GCKR: variants seen among roughly 807,000 people sequenced by gnomAD.
GCKR encodes glucokinase regulatory protein.
GCKR carries 73 observed loss-of-function variants against 82.9 expected under a neutral mutation model. That is an observed-to-expected ratio of 0.88 (90% CI 0.73 to 1.07). The LOEUF is 1.07. Among genes scored for constraint, GCKR ranks in the 50% least tolerant of loss-of-function variants. GCKR has a pLI of 0.00. For missense variants in GCKR, 784 were observed against 782.1 expected (o/e 1.00, Z -0.03); for synonymous variants, 294 against 291.8 (o/e 1.01, Z -0.08).
chr2:27,511,014 T>C (rs1669868891), intron 16 of GCKR, among the ~76,000 whole-genome samples: 4 of 152,078 alleles, frequency 2.6e-5, no homozygotes, highest in African/African-American at 9.7e-5. Flanking sequence ...TTTTGGTTGA[T>C]GTTGGTTTTA....
intron 8 of GCKR, among the ~76,000 whole-genome samples, chr2:27,502,452 C>T (rs1193099162): frequency 6.6e-6 from 1 of 152,104 alleles, no homozygotes; most frequent in African/African-American, 2.4e-5. Context: ...GGGCTCCACT[C>T]CAGAACTACT....
In GCKR at chr2:27,507,667, T is replaced by C; in HGVS notation, c.1144-14T>C. The stretch of plus-strand genomic sequence containing the variant: ...TTTTCATGGGAGGGACCCTCCCATC[T>C]TCTTCTGCCCCAGGGTCCCCAGTTC... On this transcript the variant is annotated splice_polypyrimidine_tract_variant and intron_variant, in intron 13 of 18. Transcript: ENST00000264717. The C allele has an allele frequency of 6.8e-7, 1 of 1,467,406 alleles. No homozygotes were observed. The highest frequency in any genetic ancestry group is 9.5e-7 in the Non-Finnish European group (1 of 1,047,122). 90.9% of individuals were successfully genotyped at this position (1,467,406 alleles called of 1,614,324 possible).
At chr2:27,507,153 C>A in intron 12 of GCKR, 82 bp from the exon 13 acceptor site, 1 of 985,590 alleles carries the variant, frequency 1.0e-6, no homozygotes, top group Non-Finnish European at 1.6e-6. Context: ...TCCTCCCAGT[C>A]CCATTTTCTC....
At chr2:27,504,159 C>T (rs1669650437) in intron 9 of GCKR, among the ~76,000 whole-genome samples, 1 of 152,188 alleles carries the variant, frequency 6.6e-6, no homozygotes. Context: ...AGCCAAATTC[C>T]AGCCCGTGCC....
At chr2:27,513,514 C>G (rs534966516) in intron 16 of GCKR, among the ~76,000 whole-genome samples, 1 of 139,524 alleles carries the variant, frequency 7.2e-6, no homozygotes, top group Non-Finnish European at 1.5e-5. Context: ...GGTGATAGAG[C>G]GAGACTCCGT....
At chr2:27,499,057 C>A (rs1241012360) in intron 5 of GCKR, 85 bp from the exon 6 acceptor site, 8 of 830,158 alleles carry the variant, frequency 9.6e-6, no homozygotes, top group Middle Eastern at 2.2e-4. Context: ...TCCCTTTATG[C>A]GCATCTCTTA....
At position 27,497,378 on chromosome 2, in the gene GCKR, G is replaced by T; in HGVS notation, c.195G>T (p.Gly65=). The T allele has an allele frequency of 6.2e-6, 10 of 1,614,106 alleles. No homozygotes were observed. Among genetic ancestry groups the T allele is most frequent in the Non-Finnish European group, 8.5e-6 (10 of 1,180,048 alleles). ...ATGCTGAGATCTTCCAGGAGGAGGGGCAAGCCCTGTCCACATACCAGGTAA... is the reference window on the plus strand; with the variant it reads ...ATGCTGAGATCTTCCAGGAGGAGGGTCAAGCCCTGTCCACATACCAGGTAA... ...QCDAEIFQEE[G]QALSTYQRLY... The change falls in exon 2 of 19, where the codon GGG becomes GGT. Residue 65 remains glycine (G), a synonymous_variant. Coordinates refer to ENST00000264717, the MANE Select transcript of GCKR (RefSeq NM_001486.4).
intron 7 of GCKR, among the ~76,000 whole-genome samples, chr2:27,500,317 C>T (rs1669545157): frequency 6.6e-6 from 1 of 151,896 alleles, no homozygotes. Flanking sequence ...GACCAGGATG[C>T]TCACCGACAT....
chr2:27,514,259 A>G (rs1043238553), intron 16 of GCKR, among the ~76,000 whole-genome samples: 4 of 152,086 alleles, frequency 2.6e-5, no homozygotes, highest in Middle Eastern at 3.2e-3. Context: ...CTGCGTATAT[A>G]TATATATACA....
chr2:27,505,781 AC>A lies in GCKR; in HGVS notation c.817del (p.Leu273CysfsTer3). On this transcript the variant is annotated frameshift_variant, in exon 10 of 19. Transcript: ENST00000264717. LOFTEE classifies it high-confidence loss of function. The part of the protein sequence containing the change: ...GGSATKILLE[T>X]LLLAAHKTVD... The stretch of plus-strand genomic sequence containing the variant: ...AAGTGCCACCAAGATTCTGCTGGAA[AC>A]CCTGTTATTAGCAGCCCATAAGACT... The A allele has an allele frequency of 6.2e-7, 1 of 1,612,086 alleles. No individual in the cohort carries two copies. The highest frequency in any genetic ancestry group is 1.1e-5 in the South Asian group (1 of 91,014).
chr2:27,518,299 G>C (rs1440982993), intron 16 of GCKR, among the ~76,000 whole-genome samples: 1 of 152,226 alleles, frequency 6.6e-6, no homozygotes, highest in African/African-American at 2.4e-5. Context: ...CCCAACCTTG[G>C]CCTCCCAAAG....
chr2:27,523,564 C>A lies in GCKR; in HGVS notation c.*125C>A. The stretch of plus-strand genomic sequence containing the variant: ...CCCCGTTTCCAGGGCATCCGCAGCC[C>A]AGGGTAGGGAGAAATATTCTCTCCA... On this transcript the variant is annotated 3_prime_UTR_variant, in exon 19 of 19. Transcript: ENST00000264717. 1.1e-6 allele frequency: 1 copy of A among 910,624 alleles called. No homozygotes were observed. Among genetic ancestry groups the A allele is most frequent in the Non-Finnish European group, 1.7e-6 (1 of 572,750 alleles). The allele number at this position is 910,624 out of a possible 1,614,324, so 56.4% of individuals were successfully genotyped here.
At chr2:27,511,554 C>T (rs1669881974) in intron 16 of GCKR, among the ~76,000 whole-genome samples, 1 of 151,528 alleles carries the variant, frequency 6.6e-6, no homozygotes, top group Non-Finnish European at 1.5e-5. Flanking sequence ...AAAAAATTAC[C>T]TGAGCATGGT....
chr2:27,501,482 A>C (rs544038922), intron 8 of GCKR, among the ~76,000 whole-genome samples: 38 of 152,262 alleles, frequency 2.5e-4, no homozygotes, highest in Non-Finnish European at 4.3e-4. Flanking sequence ...GCATACATTC[A>C]AAACAGGGAT....
At chr2:27,497,110 G>C (rs1025460886) in intron 1 of GCKR, 134 bp from the exon 2 acceptor site, 5 of 1,244,444 alleles carry the variant, frequency 4.0e-6, no homozygotes, top group Non-Finnish European at 5.9e-6. Flanking sequence ...AGTGCAGGCT[G>C]AGTTTCTGGT....
At chr2:27,499,977 C>G (rs997903873) in intron 7 of GCKR, among the ~76,000 whole-genome samples, 3 of 151,728 alleles carry the variant, frequency 2.0e-5, no homozygotes, top group African/African-American at 7.3e-5. Flanking sequence ...AGGCTGGTCT[C>G]GAACTCCTGA....
intron 16 of GCKR, among the ~76,000 whole-genome samples, chr2:27,515,741 G>A (rs1669986367): frequency 7.3e-6 from 1 of 137,000 alleles, no homozygotes; most frequent in Non-Finnish European, 1.5e-5. Context: ...TTATCCAATT[G>A]TTCGTATATA....
At chr2:27,522,418 C>G (rs1373746090) in intron 17 of GCKR, 42 bp from the exon 18 acceptor site, 3 of 1,610,770 alleles carry the variant, frequency 1.9e-6, no homozygotes, top group Admixed American at 3.3e-5. Flanking sequence ...CTTAGTTCCT[C>G]TGGCCTTTAG....
In GCKR at chr2:27,497,549, A is replaced by C. The variant is rs1399306004; in HGVS notation, c.217-13A>C. The stretch of plus-strand genomic sequence containing the variant: ...CCTTTTCTTGGCTTCTCATTCCTGC[A>C]TATTCCCTACAGAGACTCTACAGCG... On this transcript the variant is annotated splice_polypyrimidine_tract_variant and intron_variant, in intron 2 of 18. Coordinates refer to ENST00000264717, the MANE Select transcript of GCKR (RefSeq NM_001486.4). 6.2e-7 allele frequency: 1 copy of C among 1,607,388 alleles called. No homozygotes were observed. The highest frequency in any genetic ancestry group is 2.2e-5 in the East Asian group (1 of 44,850).
Sources: gnomAD v4.1 joint callset for allele counts (sites outside exome capture counted in the v4.1 genomes callset) on GRCh38, gnomAD v4.1.1 for gene constraint, MANE v1.5 for transcripts, NCBI Gene and HGNC (gene_info 2026-07-23, HGNC 2026-07-21) for gene names.